Variants in ZNF792 observed in about 807,000 individuals in gnomAD.
ZNF792 encodes zinc finger protein 792.
ZNF792 carries 14 observed loss-of-function variants against 13.1 expected under a neutral mutation model. That is an observed-to-expected ratio of 1.07 (90% confidence interval 0.71 to 1.67). The LOEUF (loss-of-function observed/expected upper bound fraction) is 1.67, where lower values mean the gene tolerates loss of function less well. ZNF792 is among the 40% of genes most tolerant of loss of function. The pLI is 0.00. For missense variants in ZNF792, 740 were observed against 807.9 expected (o/e 0.92, Z 1.02); for synonymous variants, 257 against 292.0 (o/e 0.88, Z 1.22).
Position 34,958,485 on chromosome 19 carries a change from T to A in ZNF792, c.1370A>T (p.Lys457Ile), listed in dbSNP as rs2013470499. 5.6e-6 allele frequency: 9 copies of A among 1,597,664 alleles called. No individual in the cohort carries two copies. Among genetic ancestry groups the A allele is most frequent in the Non-Finnish European group, 7.7e-6 (9 of 1,170,744 alleles). The part of the protein sequence containing the change: ...ERPHGCGECG[K>I]AFSRSSDLMK... ...GAGGTCAGAGCTTCGGCTGAAGGCT[T>A]TCCCACACTCACCACACCCGTGAGG... Residue 457 changes from lysine (K) to isoleucine (I), a missense_variant, in exon 4 of 4, where the codon AAA (lysine) becomes ATA (isoleucine). Lys to Ile is a moderately radical substitution (Grantham distance 102, BLOSUM62 -3). Coordinates refer to ENST00000404801, the MANE Select transcript of ZNF792 (RefSeq NM_175872.5).
chr19:34,960,894 T>G lies in ZNF792; in HGVS notation c.134A>C (p.Glu45Ala). 1 of 1,614,018 alleles carries G rather than the reference T, an allele frequency of 6.2e-7. No homozygotes were observed. Residue 45 changes from glutamate (E) to alanine (A), a missense_variant, in exon 2 of 4, where the codon GAA (glutamate) becomes GCA (alanine). By Grantham distance (107) the Glu-to-Ala change is moderately radical. Transcript: ENST00000404801. ...QRLLYCDVML[E>A]NFALIASLGL... ...CAGCGAGGCTATAAGTGCAAAGTTTTCCAGCATCACATCGCAGTACAGGAG... is the reference window on the plus strand; with the variant it reads ...CAGCGAGGCTATAAGTGCAAAGTTTGCCAGCATCACATCGCAGTACAGGAG...
rs1051180263 is a variant in ZNF792, at chr19:34,957,256, G to A, written c.*700C>T. On this transcript the variant is annotated 3_prime_UTR_variant, in exon 4 of 4. Coordinates refer to ENST00000404801, the MANE Select transcript of ZNF792 (RefSeq NM_175872.5). ...AGGTTGTCACAACTGCCCCCTCCTC[G>A]GGATAAAAATTCACGCCATTCAGAC... 7 of 152,044 alleles carry A rather than the reference G, an allele frequency of 4.6e-5. No homozygotes were observed. Among genetic ancestry groups the A allele is most frequent in the African/African-American group, 9.7e-5 (4 of 41,376 alleles). 9.4% of individuals were successfully genotyped at this position (152,044 alleles called of 1,614,324 possible).
At chr19:34,960,086 T>A (rs566865317) in intron 3 of ZNF792, 149 bp downstream of exon 3, 5 of 1,170,114 alleles carry the variant, frequency 4.3e-6, no homozygotes, top group East Asian at 2.6e-5. Context: ...GACAAGTAGA[T>A]AATGTGTCAA....
At chr19:34,963,554 C>G (rs1194441995) in intron 1 of ZNF792, 76 bp downstream of exon 1, 1 of 1,554,486 alleles carries the variant, frequency 6.4e-7, no homozygotes, top group African/African-American at 1.4e-5. Flanking sequence ...TAGAACAAAG[C>G]CATCTTTTGC....
At chr19:34,959,774 G>A (rs958493697) in intron 3 of ZNF792, among the ~76,000 whole-genome samples, 20 of 152,098 alleles carry the variant, frequency 1.3e-4, no homozygotes, top group African/African-American at 4.8e-4. Context: ...TCAGGACCAG[G>A]GACACAAGGA....
At position 34,959,201 on chromosome 19, in the gene ZNF792, G is replaced by C. The variant is rs1372530423; in HGVS notation, c.654C>G (p.Asp218Glu). Residue 218 changes from aspartate to glutamate, a missense_variant, in exon 4 of 4, where the codon GAC (aspartate) becomes GAG (glutamate). By Grantham distance (45) the Asp-to-Glu change is conservative. Coordinates refer to ENST00000404801, the MANE Select transcript of ZNF792 (RefSeq NM_175872.5). ...QLSTCREGGK[D>E]FVATAGFLQC... Reference sequence around the variant, plus strand: ...GCAGAAACCCTGCTGTGGCCACAAAGTCCTTCCCACCCTCCCTGCAGGTGG... The same window carrying C: ...GCAGAAACCCTGCTGTGGCCACAAACTCCTTCCCACCCTCCCTGCAGGTGG... The C allele has an allele frequency of 1.2e-6, 2 of 1,613,934 alleles. No individual in the cohort carries two copies. Among genetic ancestry groups the C allele is most frequent in the Non-Finnish European group, 1.7e-6 (2 of 1,179,906 alleles).
rs1358461122 is a variant in ZNF792, at chr19:34,957,201, C to A, written c.*755G>T. On this transcript the variant is annotated 3_prime_UTR_variant, in exon 4 of 4. Coordinates refer to ENST00000404801, the MANE Select transcript of ZNF792 (RefSeq NM_175872.5). ...TGGGGCACCCCCTGGGAATAAGGGA[C>A]CCAATTCATGCTGTTCCCACATGCA... 6.6e-6 allele frequency: 1 copy of A among 152,190 alleles called. No individual in the cohort carries two copies. The highest frequency in any genetic ancestry group is 1.5e-5 in the Non-Finnish European group (1 of 68,050). 9.4% of individuals were successfully genotyped at this position (152,190 alleles called of 1,614,324 possible). A position where few individuals can be genotyped will look rare whatever the true frequency, so the allele number is the denominator to read the frequency against.
At chr19:34,961,127 G>A in intron 1 of ZNF792, 133 bp from the exon 2 acceptor site, 2 of 1,287,582 alleles carry the variant, frequency 1.6e-6, no homozygotes, top group Non-Finnish European at 1.1e-6. Flanking sequence ...GGCGCCTCAT[G>A]TGACCACTGT....
At chr19:34,963,080 G>C (rs540180857) in intron 1 of ZNF792, among the ~76,000 whole-genome samples, 109 of 152,172 alleles carry the variant, frequency 7.2e-4, no homozygotes, top group Non-Finnish European at 1.2e-3. Context: ...ATTCCATTAG[G>C]CTACTCCTTG....
Position 34,958,218 on chromosome 19 carries a change from C to T in ZNF792, c.1637G>A (p.Arg546Lys). ...CSECGKTFRQ[R>K]SNLRQHLKVH... ...TTTCAGGTGCTGCCTCAGATTGGACCTCTGCCTGAAGGTTTTCCCACATTC... is the reference window on the plus strand; with the variant it reads ...TTTCAGGTGCTGCCTCAGATTGGACTTCTGCCTGAAGGTTTTCCCACATTC... Residue 546 changes from arginine to lysine, a missense_variant, in exon 4 of 4, where the codon AGG (arginine) becomes AAG (lysine). By Grantham distance (26) the Arg-to-Lys change is conservative. Coordinates refer to ENST00000404801, the MANE Select transcript of ZNF792 (RefSeq NM_175872.5). The T allele has an allele frequency of 6.2e-7, 1 of 1,613,982 alleles. No homozygotes were observed. Among genetic ancestry groups the T allele is most frequent in the Non-Finnish European group, 8.5e-7 (1 of 1,179,876 alleles).
intron 1 of ZNF792, among the ~76,000 whole-genome samples, chr19:34,961,328 C>G (rs974733087): frequency 1.3e-5 from 2 of 152,144 alleles, no homozygotes; most frequent in Non-Finnish European, 2.9e-5. Flanking sequence ...GCTCATACTC[C>G]CTCCCACGTG....
chr19:34,963,866 C>A lies in ZNF792; in HGVS notation c.-204G>T. 3.4e-6 allele frequency: 2 copies of A among 580,586 alleles called. No homozygotes were observed. Among genetic ancestry groups the A allele is most frequent in the Non-Finnish European group, 5.8e-6 (2 of 342,542 alleles). 36.0% of individuals were successfully genotyped at this position (580,586 alleles called of 1,614,324 possible). The stretch of plus-strand genomic sequence containing the variant: ...GCGCAGGCTCCGGGGGCGCCGAGAG[C>A]GCGCAGCTCCGCTGGGTACCCCCGT... On this transcript the variant is annotated 5_prime_UTR_variant, in exon 1 of 4. Coordinates refer to ENST00000404801, the MANE Select transcript of ZNF792 (RefSeq NM_175872.5).
chr19:34,963,666 A>C lies in ZNF792; in HGVS notation c.-4T>G. The C allele has an allele frequency of 6.2e-7, 1 of 1,601,406 alleles. No individual in the cohort carries two copies. Among genetic ancestry groups the C allele is most frequent in the African/African-American group, 1.3e-5 (1 of 74,452 alleles). ...CCCGCAGCGCCGCCGCTGCCATCGGAGTCTGTGGTCAGAGCAGGGCCCCAC... is the reference window on the plus strand; with the variant it reads ...CCCGCAGCGCCGCCGCTGCCATCGGCGTCTGTGGTCAGAGCAGGGCCCCAC... On this transcript the variant is annotated 5_prime_UTR_variant, in exon 1 of 4. Transcript: ENST00000404801.
chr19:34,962,363 C>G (rs963746942), intron 1 of ZNF792, among the ~76,000 whole-genome samples: 1 of 152,160 alleles, frequency 6.6e-6, no homozygotes, highest in Non-Finnish European at 1.5e-5. Flanking sequence ...AGGCTTCAGG[C>G]GTGCCCTGGT....
Position 34,958,766 on chromosome 19 carries a change from T to C in ZNF792, c.1089A>G (p.Glu363=), listed in dbSNP as rs1360423631. ...LIQHKRVHTG[E]KPYECSDCGK... ...CACAGTCGCTGCACTCATATGGCTT[T>C]TCACCAGTGTGAACCCTCTTATGCT... Residue 363 remains glutamate (E), a synonymous_variant, in exon 4 of 4, where the codon GAA becomes GAG. Coordinates refer to ENST00000404801, the MANE Select transcript of ZNF792 (RefSeq NM_175872.5). The C allele has an allele frequency of 1.2e-6, 2 of 1,612,694 alleles. No homozygotes were observed. The highest frequency in any genetic ancestry group is 1.7e-6 in the Non-Finnish European group (2 of 1,179,672).
At position 34,956,813 on chromosome 19, in the gene ZNF792, C is replaced by T. The variant is rs1350981331; in HGVS notation, c.*1143G>A. The T allele has an allele frequency of 6.6e-6, 1 of 152,246 alleles. No individual in the cohort carries two copies. The allele number at this position is 152,246 out of a possible 1,614,324, so 9.4% of individuals were successfully genotyped here. A position where few individuals can be genotyped will look rare whatever the true frequency, so the allele number is the denominator to read the frequency against. On this transcript the variant is annotated 3_prime_UTR_variant, in exon 4 of 4. Coordinates refer to ENST00000404801, the MANE Select transcript of ZNF792 (RefSeq NM_175872.5). Reference sequence around the variant, plus strand: ...TTCCTGCCAGCACAGCACTGGCCTTCAGATGCACAGCACGGAGATGGTAAT... The same window carrying T: ...TTCCTGCCAGCACAGCACTGGCCTTTAGATGCACAGCACGGAGATGGTAAT...
rs1031738894 is a variant in ZNF792 at position 34,957,015 on chromosome 19, C to T, written c.*941G>A. The T allele has an allele frequency of 6.6e-6, 1 of 152,230 alleles. No individual in the cohort carries two copies. Among genetic ancestry groups the T allele is most frequent in the Non-Finnish European group, 1.5e-5 (1 of 68,052 alleles). The allele number at this position is 152,230 out of a possible 1,614,324, so 9.4% of individuals were successfully genotyped here. A position where few individuals can be genotyped will look rare whatever the true frequency, so the allele number is the denominator to read the frequency against. ...TTCTGCTGGTTTGCTATAATCTCGC[C>T]TACTCCCTATTAATCACATCCAGTG... On this transcript the variant is annotated 3_prime_UTR_variant, in exon 4 of 4. Coordinates refer to ENST00000404801, the MANE Select transcript of ZNF792 (RefSeq NM_175872.5).
chr19:34,961,660 C>T (rs1364663681), intron 1 of ZNF792, among the ~76,000 whole-genome samples: 1 of 152,246 alleles, frequency 6.6e-6, no homozygotes, highest in East Asian at 1.9e-4. Context: ...ATGGATGTCA[C>T]ATACACTTGG....
At chr19:34,960,120 C>T (rs770813594) in intron 3 of ZNF792, 115 bp downstream of exon 3, 20 of 1,433,112 alleles carry the variant, frequency 1.4e-5, no homozygotes, top group East Asian at 7.0e-5. Context: ...AAAGCAGAGA[C>T]GTGGTCTGGC....
Sources: gnomAD v4.1 joint callset for allele counts (sites outside exome capture counted in the v4.1 genomes callset) on GRCh38, gnomAD v4.1.1 for gene constraint, MANE v1.5 for transcripts, NCBI Gene and HGNC (gene_info 2026-07-23, HGNC 2026-07-21) for gene names.